The following SERPINA10 variants were observed in gnomAD, a reference collection of about 807,000 sequenced individuals.
SERPINA10 encodes the protein serpin family A member 10.
In SERPINA10, 24 loss-of-function variants were observed where a neutral mutation model predicts 28.0. The observed-to-expected ratio is 0.86, with a 90% CI of 0.62 to 1.20. The LOEUF is 1.20. SERPINA10 is among the 50% of genes most tolerant of loss of function. SERPINA10 has a pLI of 0.00. For missense variants in SERPINA10, 521 were observed against 537.7 expected, an observed-to-expected ratio of 0.97 and a Z score of 0.31; for synonymous variants, 207 against 203.9, an observed-to-expected ratio of 1.02 and a Z score of -0.13.
intron 1 of SERPINA10, chr14:94,292,696 TG>T (rs1409660403): frequency 7.1e-6 from 5 of 701,738 alleles, no homozygotes; most frequent in Non-Finnish European, 1.3e-5. Context: ...CTAAGGTCTT[TG>T]TAAAGTCTTT....
chr14:94,280,950 T>TC lies in SERPINA10; in HGVS notation c.*3014dup, dbSNP rs1208664913. 6.6e-6 allele frequency: 1 copy of TC among 152,188 alleles called. No individual in the cohort carries two copies. The highest frequency in any genetic ancestry group is 2.4e-5 in the African/African-American group (1 of 41,448). The allele number at this position is 152,188 out of a possible 1,614,324, so 9.4% of individuals were successfully genotyped here. ...TTGAATATCTTAGTCTGGAGATGAG[T>TC]CAGTTTTGCCATACAATTAGTGGAT... On this transcript the variant is annotated 3_prime_UTR_variant, in exon 5 of 5. Coordinates refer to ENST00000261994, the MANE Select transcript of SERPINA10 (RefSeq NM_001100607.3).
Position 94,283,854 on chromosome 14 carries a change from TAAG to T in SERPINA10, c.*108_*110del. 2.7e-6 allele frequency: 3 copies of T among 1,107,090 alleles called. No homozygotes were observed. Among genetic ancestry groups the T allele is most frequent in the Non-Finnish European group, 2.7e-6 (2 of 728,206 alleles). The allele number at this position is 1,107,090 out of a possible 1,614,324, so 68.6% of individuals were successfully genotyped here. On this transcript the variant is annotated 3_prime_UTR_variant, in exon 5 of 5. Transcript: ENST00000261994. Reference sequence around the variant, plus strand: ...TTATTTGAGAACACCCTAAACTAGTTAAGAACAAAAGGAACACTCTCCCCTGCC... The same window carrying T: ...TTATTTGAGAACACCCTAAACTAGTTAACAAAAGGAACACTCTCCCCTGCC...
chr14:94,290,339 G>C lies in SERPINA10; in HGVS notation c.255C>G (p.Ser85Arg). Residue 85 changes from serine to arginine, a missense_variant, in exon 2 of 5, where the codon AGC (serine) becomes AGG (arginine). Coordinates refer to ENST00000261994, the MANE Select transcript of SERPINA10 (RefSeq NM_001100607.3). ...GCCTCATGGAGATCTTTCGCAGCAG[G>C]CTGAATCCGAAGTTTGAAGTCTCCT... ...LAKETSNFGF[S>R]LLRKISMRHD... The C allele has an allele frequency of 6.2e-7, 1 of 1,614,234 alleles. No homozygotes were observed. Among genetic ancestry groups the C allele is most frequent in the Non-Finnish European group, 8.5e-7 (1 of 1,180,048 alleles).
In SERPINA10 at chr14:94,280,668, C is replaced by T. The variant is rs1894876076; in HGVS notation, c.*3297G>A. On this transcript the variant is annotated 3_prime_UTR_variant, in exon 5 of 5. Coordinates refer to ENST00000261994, the MANE Select transcript of SERPINA10 (RefSeq NM_001100607.3). ...TTGTATGGCAAAGAAAAATCTCCCT[C>T]CATCTGTAGTTGTAGGGAAAAGGGA... is the stretch of plus-strand genomic sequence containing the variant. The T allele has an allele frequency of 1.3e-5, 2 of 152,148 alleles. No homozygotes were observed. Among genetic ancestry groups the T allele is most frequent in the African/African-American group, 4.8e-5 (2 of 41,438 alleles). The allele number at this position is 152,148 out of a possible 1,614,324, so 9.4% of individuals were successfully genotyped here. A position where few individuals can be genotyped will look rare whatever the true frequency, so the allele number is the denominator to read the frequency against.
intron 4 of SERPINA10, 25 bp downstream of exon 4, chr14:94,286,083 G>A (rs745336270): frequency 1.2e-6 from 2 of 1,613,686 alleles, no homozygotes. Flanking sequence ...CTGAGGTTGG[G>A]CTCTGATGAA....
At chr14:94,286,296 A>G (rs779579176) in intron 3 of SERPINA10, 38 bp from the exon 4 acceptor site, 25 of 1,611,296 alleles carry the variant, frequency 1.6e-5, no homozygotes, top group Non-Finnish European at 2.0e-5. Flanking sequence ...AATGTAGACA[A>G]AGCCCTAGTC....
Position 94,283,737 on chromosome 14 carries a change from A to T in SERPINA10, c.*228T>A, listed in dbSNP as rs1398335169. 4 of 568,696 alleles carry T rather than the reference A, an allele frequency of 7.0e-6. No homozygotes were observed. Among genetic ancestry groups the T allele is most frequent in the East Asian group, 5.7e-5 (2 of 34,816 alleles). The allele number at this position is 568,696 out of a possible 1,614,324, so 35.2% of individuals were successfully genotyped here. A position where few individuals can be genotyped will look rare whatever the true frequency, so the allele number is the denominator to read the frequency against. ...TCATAGGTATGTATGTGTAGGAAAA[A>T]ATATATATAAGGTTCAGCACTGTCC... is the stretch of plus-strand genomic sequence containing the variant. On this transcript the variant is annotated 3_prime_UTR_variant, in exon 5 of 5. Coordinates refer to ENST00000261994, the MANE Select transcript of SERPINA10 (RefSeq NM_001100607.3).
Position 94,288,306 on chromosome 14 carries a change from C to T in SERPINA10, c.972G>A (p.Trp324Ter), listed in dbSNP as rs61754487. The T allele has an allele frequency of 4.3e-3, 6,965 of 1,613,964 alleles. 20 individuals carry two copies. The highest frequency in any genetic ancestry group is 4.5e-3 in the Non-Finnish European group (5,356 of 1,180,036). The change falls in exon 3 of 5, where the codon TGG (tryptophan) becomes TGA (stop). Residue 324 changes from tryptophan to a stop codon, truncating the protein, a stop_gained. Transcript: ENST00000261994. LOFTEE classifies it high-confidence loss of function. ...DYLTTDLVETWLRNMKTRNME... is the reference protein window; with the variant it reads ...DYLTTDLVET ...TGTACCTGGTTTTCATGTTTCTGAG[C>T]CATGTCTCCACCAAGTCTGTGGTCA...
intron 4 of SERPINA10, 128 bp from the exon 5 acceptor site, chr14:94,284,284 G>A (rs1172939570): frequency 1.2e-6 from 1 of 835,084 alleles, no homozygotes; most frequent in Non-Finnish European, 2.0e-6. Flanking sequence ...AGTGGAGCAG[G>A]CCCATCTACG....
Position 94,280,753 on chromosome 14 carries a change from A to T in SERPINA10, c.*3212T>A, listed in dbSNP as rs1276803198. On this transcript the variant is annotated 3_prime_UTR_variant, in exon 5 of 5. Transcript: ENST00000261994. ...TGCATTTTTAAGAACAAGTCCAGGAATTTCACTAGTTAGCCTTACAAGCTA... is the reference window on the plus strand; with the variant it reads ...TGCATTTTTAAGAACAAGTCCAGGATTTTCACTAGTTAGCCTTACAAGCTA... 6.6e-6 allele frequency: 1 copy of T among 152,210 alleles called. No homozygotes were observed. Among genetic ancestry groups the T allele is most frequent in the Non-Finnish European group, 1.5e-5 (1 of 68,024 alleles). The allele number at this position is 152,210 out of a possible 1,614,324, so 9.4% of individuals were successfully genotyped here. A position where few individuals can be genotyped will look rare whatever the true frequency, so the allele number is the denominator to read the frequency against.
At position 94,289,893 on chromosome 14, in the gene SERPINA10, T is replaced by C. The variant is rs748995063; in HGVS notation, c.701A>G (p.Asp234Gly). 2 of 1,613,942 alleles carry C rather than the reference T, an allele frequency of 1.2e-6. No individual in the cohort carries two copies. Among genetic ancestry groups the C allele is most frequent in the Non-Finnish European group, 1.7e-6 (2 of 1,179,966 alleles). ...INPETKLILV[D>G]YILFKGKWLT... is the part of the protein sequence containing the mutation. Reference sequence around the variant, plus strand: ...CAAAGTACCTTTGAACAAGATGTAATCCACAAGAATTAATTTGGTTTCAGG... The same window carrying C: ...CAAAGTACCTTTGAACAAGATGTAACCCACAAGAATTAATTTGGTTTCAGG... The change falls in exon 2 of 5, where the codon GAT becomes GGT. Residue 234 changes from aspartate to glycine, a missense_variant. By Grantham distance (94) the Asp-to-Gly change is moderately conservative. Transcript: ENST00000261994.
At position 94,290,360 on chromosome 14, in the gene SERPINA10, C is replaced by T. The variant is rs1163114499; in HGVS notation, c.234G>A (p.Glu78=). The change falls in exon 2 of 5, where the codon GAG becomes GAA. Residue 78 remains glutamate, a synonymous_variant. Coordinates refer to ENST00000261994, the MANE Select transcript of SERPINA10 (RefSeq NM_001100607.3). ...GCAGGCTGAATCCGAAGTTTGAAGT[C>T]TCCTTGGCAAGCTGCTGCCTGCTGG... ...LMASRQQLAK[E]TSNFGFSLLR... is the part of the protein sequence containing the mutation. The T allele has an allele frequency of 6.2e-7, 1 of 1,614,248 alleles. No individual in the cohort carries two copies. Among genetic ancestry groups the T allele is most frequent in the Non-Finnish European group, 8.5e-7 (1 of 1,180,052 alleles).
chr14:94,288,657 C>A, intron 2 of SERPINA10, 98 bp from the exon 3 acceptor site: 1 of 1,499,674 alleles, frequency 6.7e-7, no homozygotes, highest in East Asian at 2.3e-5. Context: ...TCTCACTTCT[C>A]TCACTTCTCG....
In SERPINA10 at chr14:94,284,031, C is replaced by T. The variant is rs1894960345; in HGVS notation, c.1269G>A (p.Met423Ile). The T allele has an allele frequency of 1.2e-6, 2 of 1,614,182 alleles. No homozygotes were observed. Among genetic ancestry groups the T allele is most frequent in the Non-Finnish European group, 1.7e-6 (2 of 1,180,028 alleles). Residue 423 changes from methionine to isoleucine, a missense_variant, in exon 5 of 5, where the codon ATG (methionine) becomes ATA (isoleucine). Transcript: ENST00000261994. Reference protein sequence around the residue: ...VIKVDRPFHFMIYEETSGMLL... With the variant: ...VIKVDRPFHFIIYEETSGMLL... ...GCATTCCAGAGGTTTCTTCATAGATCATGAAATGAAATGGCCGGTCCACTT... is the reference window on the plus strand; with the variant it reads ...GCATTCCAGAGGTTTCTTCATAGATTATGAAATGAAATGGCCGGTCCACTT...
In SERPINA10 at chr14:94,291,395, C is replaced by T. The variant is rs79416416; in HGVS notation, c.-50-752G>A. Among the ~76,000 whole-genome samples the T allele has an allele frequency of 6.4e-3, 974 of 152,332 alleles. 10 individuals are homozygous for T. Among genetic ancestry groups the T allele is most frequent in the African/African-American group, 0.021 (867 of 41,572 alleles). On this transcript the variant is annotated intron_variant, in intron 1 of 4. Transcript: ENST00000261994. Reference sequence around the variant, plus strand: ...CAGTGTGGGAGCTACACTTCTTCACCGTTAGCTGTCCCCTTCTCTGTCGCC... The same window carrying T: ...CAGTGTGGGAGCTACACTTCTTCACTGTTAGCTGTCCCCTTCTCTGTCGCC...
chr14:94,292,719 C>T (rs1206009914), intron 1 of SERPINA10: 1 of 701,426 alleles, frequency 1.4e-6, no homozygotes, highest in Non-Finnish European at 2.6e-6. Context: ...CTCATCTACC[C>T]AACCCTTTGG....
intron 3 of SERPINA10, among the ~76,000 whole-genome samples, chr14:94,287,754 A>C (rs1895060639): frequency 6.6e-6 from 1 of 152,168 alleles, no homozygotes; most frequent in Non-Finnish European, 1.5e-5. Flanking sequence ...ATGTTCTTCA[A>C]ACCCACCAGG....
chr14:94,288,603 G>A (rs2139697323), intron 2 of SERPINA10, 44 bp from the exon 3 acceptor site: 1 of 1,611,316 alleles, frequency 6.2e-7, no homozygotes. Context: ...TTCCCTCTTT[G>A]AAAAGCATTG....
chr14:94,285,467 ATATG>A (rs1325149482), intron 4 of SERPINA10, among the ~76,000 whole-genome samples: 1 of 151,794 alleles, frequency 6.6e-6, no homozygotes, highest in Non-Finnish European at 1.5e-5. Context: ...CTCCATATAT[ATATG>A]TATGTCTCTC....
Sources: gnomAD v4.1 joint callset for allele counts (sites outside exome capture counted in the v4.1 genomes callset) on GRCh38, gnomAD v4.1.1 for gene constraint, MANE v1.5 for transcripts, NCBI Gene and HGNC (gene_info 2026-07-23, HGNC 2026-07-21) for gene names.